SEL1L: variants seen among roughly 807,000 people sequenced by gnomAD.
SEL1L encodes the protein protein sel-1 homolog 1.
A neutral mutation model predicts 109.8 loss-of-function variants in SEL1L; 52 were observed. The observed-to-expected ratio is 0.47, with a 90% confidence interval of 0.38 to 0.60. The LOEUF is 0.60. SEL1L is among the 20% of genes least tolerant of loss of function. The pLI is 0.00. For synonymous variants in SEL1L, 373 were observed against 339.6 expected (o/e 1.10, Z -1.08); for missense variants, 749 against 962.2 (o/e 0.78, Z 2.93).
intron 3 of SEL1L, among the ~76,000 whole-genome samples, chr14:81,523,270 C>T (rs1884994932): frequency 6.6e-6 from 1 of 152,088 alleles, no homozygotes; most frequent in African/African-American, 2.4e-5. Context: ...AAAGTTGAGC[C>T]AATAAATCAA....
At chr14:81,526,622 T>C in intron 3 of SEL1L, 111 bp downstream of exon 3, 1 of 792,772 alleles carries the variant, frequency 1.3e-6, no homozygotes, top group Non-Finnish European at 2.1e-6. Flanking sequence ...CATATATTAT[T>C]TGTGGGTAAT....
chr14:81,484,434 AAAGT>A (rs771639123), intron 18 of SEL1L, 37 bp from the exon 19 acceptor site: 5 of 1,581,162 alleles, frequency 3.2e-6, no homozygotes, highest in East Asian at 4.5e-5. Flanking sequence ...GCCAATAAAT[AAAGT>A]ATGTTTAAAA....
intron 4 of SEL1L, 55 bp from the exon 5 acceptor site, chr14:81,504,361 A>G (rs992076373): frequency 3.9e-6 from 5 of 1,267,758 alleles, no homozygotes; most frequent in Admixed American, 2.3e-5. Context: ...TCAATTATCA[A>G]CCATTAGTAT....
At chr14:81,514,054 T>C (rs1595528528) in intron 3 of SEL1L, among the ~76,000 whole-genome samples, 1 of 152,250 alleles carries the variant, frequency 6.6e-6, no homozygotes, top group African/African-American at 2.4e-5. Flanking sequence ...CAACTCCCTG[T>C]CTCTGGTGCT....
At position 81,512,131 on chromosome 14, in the gene SEL1L, G is replaced by A. The variant is rs575652330; in HGVS notation, c.341-5890C>T. Among the ~76,000 whole-genome samples the A allele has an allele frequency of 6.6e-5, 10 of 152,250 alleles. 1 individual carries two copies. In the East Asian group the frequency reaches 1.9e-3, roughly 29 times the overall value. On this transcript the variant is annotated intron_variant, in intron 3 of 20. Coordinates refer to ENST00000336735, the MANE Select transcript of SEL1L (RefSeq NM_005065.6). ...ATATCATTGTTCTGGAAGTTTCTAT[G>A]AAGGTGATTTTTGGATGAAATTATT...
chr14:81,504,095 A>G (rs1884128695), intron 5 of SEL1L, 106 bp downstream of exon 5: 1 of 597,628 alleles, frequency 1.7e-6, no homozygotes. Context: ...GGAACTTAAA[A>G]AAATCTTCTG....
rs146267728 is a variant in SEL1L at position 81,490,029 on chromosome 14, A to G, written c.1332+359T>C. Reference sequence around the variant, plus strand: ...GTTTTCTGAGCCAAAGAAAGCCTAAATTATGTACTATGATTATCAAAAGTA... The same window carrying G: ...GTTTTCTGAGCCAAAGAAAGCCTAAGTTATGTACTATGATTATCAAAAGTA... On this transcript the variant is annotated intron_variant, in intron 13 of 20. Transcript: ENST00000336735. Among the ~76,000 whole-genome samples the G allele has an allele frequency of 2.4e-3, 373 of 152,334 alleles. 5 individuals are homozygous for G. The highest frequency in any genetic ancestry group is 8.4e-3 in the African/African-American group (351 of 41,584).
At chr14:81,513,391 C>A (rs557489967) in intron 3 of SEL1L, among the ~76,000 whole-genome samples, 1 of 152,116 alleles carries the variant, frequency 6.6e-6, no homozygotes, top group South Asian at 2.1e-4. Context: ...ACACTCACTG[C>A]GAAGGTCTGC....
intron 6 of SEL1L, 89 bp from the exon 7 acceptor site, chr14:81,499,751 A>T (rs1477272009): frequency 1.0e-6 from 1 of 972,820 alleles, no homozygotes; most frequent in African/African-American, 1.6e-5. Context: ...TATACTATGA[A>T]AAAATGCAAG....
At position 81,499,644 on chromosome 14, in the gene SEL1L, C is replaced by T. The variant is rs748851536; in HGVS notation, c.796G>A (p.Ala266Thr). Residue 266 changes from alanine to threonine, a missense_variant, in exon 7 of 21, where the codon GCC (alanine) becomes ACC (threonine). Physicochemically the swap from Ala to Thr is moderately conservative, Grantham distance 58. Coordinates refer to ENST00000336735, the MANE Select transcript of SEL1L (RefSeq NM_005065.6). ...KGQTALGFLYASGLGVNSSQA... is the reference protein window; with the variant it reads ...KGQTALGFLYTSGLGVNSSQA... ...CTTGAATTAACACCAAGTCCAGAGG[C>T]ATACAGAAAGCCAAGAGCCTGAAAT... is the stretch of plus-strand genomic sequence containing the variant. 1 of 1,608,216 alleles carries T rather than the reference C, an allele frequency of 6.2e-7. No individual in the cohort carries two copies. Among genetic ancestry groups the T allele is most frequent in the South Asian group, 1.1e-5 (1 of 89,708 alleles).
chr14:81,527,787 T>G (rs201129752), intron 1 of SEL1L, 49 bp from the exon 2 acceptor site: 1 of 1,259,334 alleles, frequency 7.9e-7, no homozygotes, highest in Non-Finnish European at 1.1e-6. Flanking sequence ...GTTGGGAAAT[T>G]AGTTATTATT....
intron 12 of SEL1L, 121 bp downstream of exon 12, chr14:81,492,359 C>G: frequency 2.6e-6 from 2 of 757,014 alleles, no homozygotes. Context: ...ATATAATAGT[C>G]TTGCACTAGA....
Position 81,526,686 on chromosome 14 carries a change from A to C in SEL1L, c.340+47T>G, listed in dbSNP as rs371558925. The C allele has an allele frequency of 3.5e-4, 497 of 1,438,812 alleles. 3 individuals carry two copies. Among genetic ancestry groups the C allele is most frequent in the Non-Finnish European group, 5.5e-5 (56 of 1,023,624 alleles). The allele number at this position is 1,438,812 out of a possible 1,614,324, so 89.1% of individuals were successfully genotyped here. On this transcript the variant is annotated intron_variant, in intron 3 of 20. Coordinates refer to ENST00000336735, the MANE Select transcript of SEL1L (RefSeq NM_005065.6). ...CTTTATTCATTAGCTTAAAATTTTC[A>C]GTTGTCCCCTAAATAAATCAAAAAG...
In SEL1L at chr14:81,527,837, A is replaced by C. The variant is rs1035870041; in HGVS notation, c.71-99T>G. 42 of 729,048 alleles carry C rather than the reference A, an allele frequency of 5.8e-5. 2 individuals carry two copies. Among genetic ancestry groups the C allele is most frequent in the Non-Finnish European group, 9.4e-5 (41 of 436,306 alleles). The allele number at this position is 729,048 out of a possible 1,614,324, so 45.2% of individuals were successfully genotyped here. ...GAAAAGTATAGCAAATAATAATCAAACATTGGATAAATAAACATAGAATTA... is the reference window on the plus strand; with the variant it reads ...GAAAAGTATAGCAAATAATAATCAACCATTGGATAAATAAACATAGAATTA... On this transcript the variant is annotated intron_variant, in intron 1 of 20. Transcript: ENST00000336735.
chr14:81,495,566 A>T (rs1198191012), intron 10 of SEL1L, among the ~76,000 whole-genome samples: 1 of 152,052 alleles, frequency 6.6e-6, no homozygotes, highest in Non-Finnish European at 1.5e-5. Flanking sequence ...GAGCCTGGAG[A>T]GGTCGAGGCT....
chr14:81,526,604 C>T (rs1885122978), intron 3 of SEL1L, 129 bp downstream of exon 3: 2 of 721,264 alleles, frequency 2.8e-6, no homozygotes, highest in African/African-American at 1.8e-5. Context: ...TCTCTCCAAA[C>T]TACACTCCAT....
At chr14:81,499,763 G>A in intron 6 of SEL1L, 101 bp from the exon 7 acceptor site, 2 of 785,000 alleles carry the variant, frequency 2.5e-6, no homozygotes, top group Non-Finnish European at 3.9e-6. Context: ...AAATGCAAGA[G>A]TCTTTAAATG....
chr14:81,533,824 T>A lies in SEL1L; in HGVS notation c.-80A>T. Reference sequence around the variant, plus strand: ...CACGGACTCAGCCACCACCGCCGCCTCGCCGCTGCTCTTCCTGCTCTAGTC... The same window carrying A: ...CACGGACTCAGCCACCACCGCCGCCACGCCGCTGCTCTTCCTGCTCTAGTC... On this transcript the variant is annotated 5_prime_UTR_variant, in exon 1 of 21. Coordinates refer to ENST00000336735, the MANE Select transcript of SEL1L (RefSeq NM_005065.6). 4.4e-6 allele frequency: 6 copies of A among 1,369,592 alleles called. No individual in the cohort carries two copies. The highest frequency in any genetic ancestry group is 6.1e-6 in the Non-Finnish European group (6 of 978,092). 84.8% of individuals were successfully genotyped at this position (1,369,592 alleles called of 1,614,324 possible). A position where few individuals can be genotyped will look rare whatever the true frequency, so the allele number is the denominator to read the frequency against.
rs570737445 is a variant in SEL1L at position 81,483,664 on chromosome 14, A to T, written c.2046+561T>A. Among the ~76,000 whole-genome samples, 16 of 152,312 alleles carry T rather than the reference A, an allele frequency of 1.1e-4. No individual in the cohort carries two copies. In the South Asian group the frequency reaches 3.1e-3, roughly 30 times the overall value. The stretch of plus-strand genomic sequence containing the variant: ...CTATTGGATATTTTAAGGGTAATTA[A>T]TTTTATTTAAAAATGTTAATGCTTA... On this transcript the variant is annotated intron_variant, in intron 19 of 20. Transcript: ENST00000336735.
Sources: allele counts gnomAD v4.1 joint callset (sites outside exome capture counted in the v4.1 genomes callset), GRCh38; gene constraint gnomAD v4.1.1; transcripts MANE v1.5; gene names NCBI Gene and HGNC (gene_info 2026-07-23, HGNC 2026-07-21).